The following CFAP58 variants were observed in gnomAD, a reference collection of about 807,000 sequenced individuals.
The protein encoded by CFAP58 is cilia and flagella associated protein 58.
A neutral mutation model predicts 119.5 loss-of-function variants in CFAP58; 88 were observed. The observed-to-expected ratio is 0.74, with a 90% CI of 0.62 to 0.88. CFAP58 has a LOEUF of 0.88. Among genes scored for constraint, CFAP58 ranks in the 40% least tolerant of loss-of-function variants. The pLI is 0.00. For synonymous variants in CFAP58, 365 were observed against 366.3 expected (o/e 1.00, Z 0.04); for missense variants, 990 against 1,021.2 (o/e 0.97, Z 0.42).
At chr10:104,436,753 C>T (rs964733052) in intron 15 of CFAP58, among the ~76,000 whole-genome samples, 9 of 152,146 alleles carry the variant, frequency 5.9e-5, no homozygotes, top group African/African-American at 2.2e-4. Flanking sequence ...ACTATATCAG[C>T]TTCTAACTGC....
chr10:104,340,764 G>T, the CFAP58 span, among the ~76,000 whole-genome samples: 1 of 152,110 alleles, frequency 6.6e-6, no homozygotes, highest in East Asian at 1.9e-4. Flanking sequence ...AAGGACCAGG[G>T]GTGAGTACCC....
At chr10:104,353,742 C>G (rs113713062), upstream of CFAP58, 487 of 722,352 alleles carry the variant, frequency 6.7e-4, 3 homozygotes, top group African/African-American at 6.3e-3. Context: ...AGGGCGTGTC[C>G]GTTGCCAGGC....
At chr10:104,397,529 C>G (rs1005743757) in intron 11 of CFAP58, among the ~76,000 whole-genome samples, 1 of 152,094 alleles carries the variant, frequency 6.6e-6, no homozygotes, top group African/African-American at 2.4e-5. Flanking sequence ...AGAGACAGAC[C>G]GTAACTAAAG....
Position 104,396,727 on chromosome 10 carries a change from T to G in CFAP58, c.1675-2633T>G, listed in dbSNP as rs552420928. Reference sequence around the variant, plus strand: ...TGTCCCGCCATCTCATTATAACTTTTTACCACCAGTAACACTTGGATAGGT... The same window carrying G: ...TGTCCCGCCATCTCATTATAACTTTGTACCACCAGTAACACTTGGATAGGT... On this transcript the variant is annotated intron_variant, in intron 11 of 17. Coordinates refer to ENST00000369704, the MANE Select transcript of CFAP58 (RefSeq NM_001008723.2). Among the ~76,000 whole-genome samples the G allele has an allele frequency of 3.9e-5, 6 of 152,346 alleles. No individual in the cohort carries two copies. In the South Asian group the frequency reaches 1.2e-3, roughly 32 times the overall value.
intron 15 of CFAP58, among the ~76,000 whole-genome samples, chr10:104,407,864 T>C (rs975774060): frequency 1.3e-5 from 2 of 152,052 alleles, no homozygotes; most frequent in African/African-American, 2.4e-5. Context: ...GCCTGGCTAA[T>C]TTTTGTATTT....
the CFAP58 span, among the ~76,000 whole-genome samples, chr10:104,339,907 A>C: frequency 3.9e-5 from 6 of 152,258 alleles, no homozygotes; most frequent in Admixed American, 3.3e-4. Flanking sequence ...AGGTGGGGGA[A>C]ATTTCTGTGA....
intron 15 of CFAP58, among the ~76,000 whole-genome samples, chr10:104,424,303 G>A (rs950262351): frequency 3.9e-5 from 6 of 152,132 alleles, no homozygotes; most frequent in Non-Finnish European, 5.9e-5. Context: ...ATCAGACTCA[G>A]TTTGCTTTTG....
chr10:104,449,416 C>T (rs1448247593), intron 16 of CFAP58, among the ~76,000 whole-genome samples: 2 of 152,322 alleles, frequency 1.3e-5, no homozygotes, highest in East Asian at 3.9e-4. Flanking sequence ...CCAGCTTTGG[C>T]ATGCGCTATG....
At chr10:104,438,865 A>G (rs2012988821) in intron 15 of CFAP58, among the ~76,000 whole-genome samples, 1 of 152,288 alleles carries the variant, frequency 6.6e-6, no homozygotes, top group African/African-American at 2.4e-5. Flanking sequence ...TAACCCAAAT[A>G]CCCACTGACA....
intron 15 of CFAP58, among the ~76,000 whole-genome samples, chr10:104,413,549 C>T (rs1417784069): frequency 6.6e-6 from 1 of 152,160 alleles, no homozygotes; most frequent in Non-Finnish European, 1.5e-5. Context: ...CTGAAGTGTA[C>T]CTCCTGGTGG....
chr10:104,357,979 A>G (rs1406932802), intron 1 of CFAP58, among the ~76,000 whole-genome samples: 1 of 142,360 alleles, frequency 7.0e-6, no homozygotes, highest in Non-Finnish European at 1.5e-5. Context: ...ACATATGTAC[A>G]TATGTACACA....
At chr10:104,353,791 C>T, upstream of CFAP58, 1 of 1,375,282 alleles carries the variant, frequency 7.3e-7, no homozygotes, top group Non-Finnish European at 1.0e-6. Flanking sequence ...CCGCTCGGGG[C>T]GGGCGATAGA....
intron 7 of CFAP58, among the ~76,000 whole-genome samples, chr10:104,374,508 G>C (rs2014865165): frequency 7.5e-6 from 1 of 132,950 alleles, no homozygotes; most frequent in East Asian, 2.1e-4. Context: ...CATATTATGA[G>C]AGAAATTGGC....
intron 1 of CFAP58, among the ~76,000 whole-genome samples, chr10:104,356,584 A>G (rs2014545938): frequency 6.6e-6 from 1 of 151,680 alleles, no homozygotes; most frequent in South Asian, 2.1e-4. Context: ...TGCAATCCGT[A>G]CTCCTTTGAA....
intron 1 of CFAP58, among the ~76,000 whole-genome samples, chr10:104,357,944 T>C (rs571939272): frequency 0.014 from 1,628 of 115,138 alleles, 118 homozygotes; most frequent in African/African-American, 0.058. Flanking sequence ...CACATATATG[T>C]ACACATATAT....
chr10:104,396,687 A>C (rs1352892157), intron 11 of CFAP58, among the ~76,000 whole-genome samples: 1 of 152,248 alleles, frequency 6.6e-6, no homozygotes, highest in Non-Finnish European at 1.5e-5. Flanking sequence ...TTGTGGAAGC[A>C]GTGAGTAAAG....
intron 1 of CFAP58, among the ~76,000 whole-genome samples, chr10:104,357,933 AC>A (rs1564876028): frequency 2.5e-5 from 3 of 121,868 alleles, no homozygotes; most frequent in Non-Finnish European, 4.8e-5. Flanking sequence ...ACACATATAC[AC>A]ACATATATGT....
At chr10:104,385,678 G>C (rs954689635) in intron 9 of CFAP58, among the ~76,000 whole-genome samples, 1 of 152,090 alleles carries the variant, frequency 6.6e-6, no homozygotes, top group Non-Finnish European at 1.5e-5. Flanking sequence ...GAAGATAAGA[G>C]AGAAGAGGGC....
chr10:104,341,872 C>G, the CFAP58 span, among the ~76,000 whole-genome samples: 3 of 152,150 alleles, frequency 2.0e-5, no homozygotes, highest in African/African-American at 7.2e-5. Flanking sequence ...GTTCAGCCCC[C>G]AAACCAGTGT....
Sources: gnomAD v4.1 joint callset for allele counts (sites outside exome capture counted in the v4.1 genomes callset) on GRCh38, gnomAD v4.1.1 for gene constraint, MANE v1.5 for transcripts, NCBI Gene and HGNC (gene_info 2026-07-23, HGNC 2026-07-21) for gene names.